The following MMP16 variants were observed in gnomAD, a reference collection of about 807,000 sequenced individuals.
MMP16 encodes matrix metalloproteinase-16.
A neutral mutation model predicts 67.8 loss-of-function variants in MMP16; 12 were observed. The observed-to-expected ratio is 0.18, with a 90% CI of 0.11 to 0.29. The LOEUF is 0.29. Among genes scored for constraint, MMP16 ranks in the 10% least tolerant of loss-of-function variants. The pLI, the probability that MMP16 is intolerant of heterozygous loss-of-function variation, is 1.00. For missense variants in MMP16, 475 were observed against 765.7 expected (o/e 0.62, Z 4.48); for synonymous variants, 249 against 255.9 (o/e 0.97, Z 0.26).
intron 4 of MMP16, among the ~76,000 whole-genome samples, chr8:88,125,482 T>C (rs980742687): frequency 5.9e-5 from 9 of 151,960 alleles, no homozygotes; most frequent in African/African-American, 2.2e-4. Flanking sequence ...CAAACATTTA[T>C]AGTATTTAAT....
chr8:88,231,284 C>G (rs1809855549), intron 1 of MMP16, among the ~76,000 whole-genome samples: 1 of 152,124 alleles, frequency 6.6e-6, no homozygotes, highest in Admixed American at 6.6e-5. Flanking sequence ...CTGAGCGGTT[C>G]TAGATATAAC....
Position 88,148,907 on chromosome 8 carries a change from C to T in MMP16, c.709+18762G>A, listed in dbSNP as rs561144403. On this transcript the variant is annotated intron_variant, in intron 4 of 9. Coordinates refer to ENST00000286614, the MANE Select transcript of MMP16 (RefSeq NM_005941.5). Reference sequence around the variant, plus strand: ...TCCGGTCTACAGCTCCCAGCGTGAGCGACGCAGAAGACGGGTGATTTCTGC... The same window carrying T: ...TCCGGTCTACAGCTCCCAGCGTGAGTGACGCAGAAGACGGGTGATTTCTGC... Among the ~76,000 whole-genome samples, 10 of 152,292 alleles carry T rather than the reference C, an allele frequency of 6.6e-5. No homozygotes were observed. In the South Asian group the frequency reaches 1.0e-3, roughly 16 times the overall value.
intron 2 of MMP16, among the ~76,000 whole-genome samples, chr8:88,187,921 A>C (rs1809099983): frequency 6.6e-6 from 1 of 152,206 alleles, no homozygotes; most frequent in African/African-American, 2.4e-5. Context: ...CACGAATTAA[A>C]AAATACATCT....
rs117800118 is a variant in MMP16, at chr8:88,162,410, G to C, written c.709+5259C>G. Among the ~76,000 whole-genome samples, 328 of 152,078 alleles carry C rather than the reference G, an allele frequency of 2.2e-3. 1 individual carries two copies. Among genetic ancestry groups the C allele is most frequent in the African/African-American group, 7.5e-3 (313 of 41,526 alleles). On this transcript the variant is annotated intron_variant, in intron 4 of 9. Coordinates refer to ENST00000286614, the MANE Select transcript of MMP16 (RefSeq NM_005941.5). Reference sequence around the variant, plus strand: ...GAAAGCCGAATTATTGAGAGAGTTCGTTCTCCAGTTTTAAAACCTGATAAG... The same window carrying C: ...GAAAGCCGAATTATTGAGAGAGTTCCTTCTCCAGTTTTAAAACCTGATAAG...
chr8:88,327,050 A>T (rs756962061), intron 1 of MMP16, 25 bp downstream of exon 1: 1 of 1,612,262 alleles, frequency 6.2e-7, no homozygotes, highest in South Asian at 1.1e-5. Flanking sequence ...CAGCGGGGGG[A>T]GGAAGAAAGC....
At chr8:88,291,541 A>AATGT (rs1810926266) in intron 1 of MMP16, among the ~76,000 whole-genome samples, 1 of 152,192 alleles carries the variant, frequency 6.6e-6, no homozygotes, top group Non-Finnish European at 1.5e-5. Flanking sequence ...CTCTGCTTTC[A>AATGT]CTAGAAGTTA....
At chr8:88,265,309 T>C (rs1810458272) in intron 1 of MMP16, among the ~76,000 whole-genome samples, 1 of 149,096 alleles carries the variant, frequency 6.7e-6, no homozygotes, top group South Asian at 2.1e-4. Context: ...AAATGTGGTT[T>C]CCATCATGGT....
At chr8:88,184,616 GCACACCTATAATCCCAGCTA>G (rs920655783) in intron 3 of MMP16, among the ~76,000 whole-genome samples, 14 of 140,058 alleles carry the variant, frequency 1.0e-4, no homozygotes, top group Non-Finnish European at 1.5e-4. Flanking sequence ...GCATGGTCGT[GCACACCTATAATCCCAGCTA>G]CTCAACGGGC....
intron 3 of MMP16, among the ~76,000 whole-genome samples, chr8:88,185,863 G>A (rs1416523429): frequency 6.6e-6 from 1 of 152,090 alleles, no homozygotes; most frequent in African/African-American, 2.4e-5. Context: ...AATTCCATGA[G>A]GACAAACAGG....
At chr8:88,181,149 A>G (rs561005343) in intron 3 of MMP16, among the ~76,000 whole-genome samples, 1 of 151,970 alleles carries the variant, frequency 6.6e-6, no homozygotes, top group African/African-American at 2.4e-5. Flanking sequence ...CGTTCTTACC[A>G]CTCCTACTCA....
At chr8:88,288,097 G>A (rs1810862370) in intron 1 of MMP16, among the ~76,000 whole-genome samples, 2 of 152,106 alleles carry the variant, frequency 1.3e-5, no homozygotes, top group African/African-American at 4.8e-5. Context: ...CTAACTCAAA[G>A]CCTCATTTAC....
intron 8 of MMP16, among the ~76,000 whole-genome samples, chr8:88,050,404 C>CATT (rs1383170113): frequency 1.3e-5 from 2 of 152,210 alleles, no homozygotes; most frequent in Non-Finnish European, 2.9e-5. Context: ...ATTTAAGTAA[C>CATT]ATTAATACAT....
chr8:88,173,030 G>C (rs939584268), intron 3 of MMP16, among the ~76,000 whole-genome samples: 1 of 152,046 alleles, frequency 6.6e-6, no homozygotes, highest in Admixed American at 6.6e-5. Flanking sequence ...ATTAGTAATG[G>C]TTATAACTCT....
chr8:88,078,113 CTCTCCCTCTCCT>C (rs1337383112), intron 6 of MMP16, among the ~76,000 whole-genome samples: 4 of 152,072 alleles, frequency 2.6e-5, no homozygotes, highest in South Asian at 2.1e-4. Flanking sequence ...TCTCTTTCTC[CTCTCCCTCTCCT>C]TCTCCCTCTC....
chr8:88,208,760 T>G (rs1245129629), intron 1 of MMP16, among the ~76,000 whole-genome samples: 1 of 147,462 alleles, frequency 6.8e-6, no homozygotes, highest in African/African-American at 2.5e-5. Context: ...TGTGCATGAC[T>G]TCACAGGATT....
chr8:88,270,725 T>G (rs1810551396), intron 1 of MMP16, among the ~76,000 whole-genome samples: 1 of 152,228 alleles, frequency 6.6e-6, no homozygotes, highest in Non-Finnish European at 1.5e-5. Flanking sequence ...ATTGTCATTT[T>G]CTTCAAGATG....
intron 1 of MMP16, among the ~76,000 whole-genome samples, chr8:88,294,591 CACAT>C (rs541483910): frequency 2.8e-4 from 42 of 151,922 alleles, no homozygotes; most frequent in African/African-American, 8.7e-4. Flanking sequence ...TCTCTATACA[CACAT>C]ACATAGATGT....
chr8:88,174,163 A>G (rs1808847970), intron 3 of MMP16, among the ~76,000 whole-genome samples: 1 of 152,222 alleles, frequency 6.6e-6, no homozygotes, highest in Non-Finnish European at 1.5e-5. Flanking sequence ...GCGGAGCTAA[A>G]GGATTAATAT....
chr8:88,095,652 A>G lies in MMP16; in HGVS notation c.1083+20855T>C, dbSNP rs536390168. On this transcript the variant is annotated intron_variant, in intron 6 of 9. Transcript: ENST00000286614. ...GTAAAGTGAGTTTTTGCTCTCATAA[A>G]TAATACGCTTCAAAACCAAGTACAG... Among the ~76,000 whole-genome samples the G allele has an allele frequency of 2.0e-5, 3 of 151,964 alleles. No homozygotes were observed. The East Asian group carries it at 5.8e-4, about 30-fold the overall frequency.
Sources: gnomAD v4.1 joint callset for allele counts (sites outside exome capture counted in the v4.1 genomes callset) on GRCh38, gnomAD v4.1.1 for gene constraint, MANE v1.5 for transcripts, NCBI Gene and HGNC (gene_info 2026-07-23, HGNC 2026-07-21) for gene names.